LAMTOR3: variants seen among roughly 807,000 people sequenced by gnomAD.
The protein encoded by LAMTOR3 is late endosomal/lysosomal adaptor, MAPK and MTOR activator 3.
A neutral mutation model predicts 20.3 loss-of-function variants in LAMTOR3; 14 were observed. That is an observed-to-expected ratio of 0.69 (90% CI 0.46 to 1.08). The LOEUF (loss-of-function observed/expected upper bound fraction) is 1.08. Ranked by LOEUF, LAMTOR3 falls within the 50% of genes least tolerant of loss-of-function variation. The pLI, the probability that LAMTOR3 is intolerant of heterozygous loss-of-function variation, is 0.00. For synonymous variants in LAMTOR3, 40 were observed against 49.4 expected (o/e 0.81, Z 0.80); for missense variants, 125 against 143.7 (o/e 0.87, Z 0.67).
intron 3 of LAMTOR3, among the ~76,000 whole-genome samples, chr4:99,887,709 AAAT>A (rs1413268718): frequency 6.6e-6 from 1 of 152,256 alleles, no homozygotes; most frequent in African/African-American, 2.4e-5. Flanking sequence ...TCATTCATGC[AAAT>A]ATTAAGCGGC....
chr4:99,881,874 T>A lies in LAMTOR3; in HGVS notation c.*120A>T. 1.4e-6 allele frequency: 1 copy of A among 692,718 alleles called. No individual in the cohort carries two copies. Among genetic ancestry groups the A allele is most frequent in the Non-Finnish European group, 2.5e-6 (1 of 394,128 alleles). The allele number at this position is 692,718 out of a possible 1,614,324, so 42.9% of individuals were successfully genotyped here. A position where few individuals can be genotyped will look rare whatever the true frequency, so the allele number is the denominator to read the frequency against. The stretch of plus-strand genomic sequence containing the variant: ...CTATATGCTAGCTCTTTAGTATAAG[T>A]TGGAAAAAGGGGCCCTTTCTTGAGC... On this transcript the variant is annotated 3_prime_UTR_variant, in exon 7 of 7. Coordinates refer to ENST00000499666, the MANE Select transcript of LAMTOR3 (RefSeq NM_021970.4).
rs192790173 is a variant in LAMTOR3 at position 99,888,416 on chromosome 4, A to G, written c.45-1062T>C. Reference sequence around the variant, plus strand: ...CAGTGAGAATCCCTGGGAAATTAGCAATTAAGAAACATATGGTAGAGCACA... The same window carrying G: ...CAGTGAGAATCCCTGGGAAATTAGCGATTAAGAAACATATGGTAGAGCACA... On this transcript the variant is annotated intron_variant, in intron 3 of 6. Transcript: ENST00000499666. Among the ~76,000 whole-genome samples, 73 of 152,366 alleles carry G rather than the reference A, an allele frequency of 4.8e-4. No individual in the cohort carries two copies. In the East Asian group the frequency reaches 0.012, roughly 26 times the overall value.
At chr4:99,885,334 T>C (rs937846319) in intron 5 of LAMTOR3, among the ~76,000 whole-genome samples, 4 of 152,194 alleles carry the variant, frequency 2.6e-5, no homozygotes, top group Non-Finnish European at 5.9e-5. Context: ...TTAAATCACT[T>C]AATTACTTTT....
intron 3 of LAMTOR3, 133 bp downstream of exon 3, chr4:99,891,867 G>C: frequency 7.1e-7 from 1 of 1,402,350 alleles, no homozygotes; most frequent in East Asian, 3.0e-5. Context: ...GAGGACGTGA[G>C]GCTGGCAAAA....
intron 3 of LAMTOR3, among the ~76,000 whole-genome samples, chr4:99,891,488 G>A (rs547393448): frequency 6.6e-6 from 1 of 152,086 alleles, no homozygotes; most frequent in Non-Finnish European, 1.5e-5. Context: ...TCAGTAACCA[G>A]CCACATCATT....
rs993910452 is a variant in LAMTOR3 at position 99,881,662 on chromosome 4, C to G, written c.*332G>C. ...GTACAATTGGCAGCACTTAACGGCT[C>G]AAGTGGATCAATGTACCAGTTTGAT... On this transcript the variant is annotated 3_prime_UTR_variant, in exon 7 of 7. Transcript: ENST00000499666. 9.0e-6 allele frequency: 2 copies of G among 223,278 alleles called. No homozygotes were observed. The highest frequency in any genetic ancestry group is 1.1e-4 in the Admixed American group (2 of 18,456). The allele number at this position is 223,278 out of a possible 1,614,324, so 13.8% of individuals were successfully genotyped here. A position where few individuals can be genotyped will look rare whatever the true frequency, so the allele number is the denominator to read the frequency against.
intron 5 of LAMTOR3, 123 bp from the exon 6 acceptor site, chr4:99,884,248 T>C: frequency 1.4e-6 from 1 of 691,986 alleles, no homozygotes; most frequent in Non-Finnish European, 2.5e-6. Flanking sequence ...CATTATGGTA[T>C]TATATTATGA....
At chr4:99,890,142 C>A (rs973955430) in intron 3 of LAMTOR3, among the ~76,000 whole-genome samples, 1 of 152,126 alleles carries the variant, frequency 6.6e-6, no homozygotes. Flanking sequence ...GAAATCTAAA[C>A]CTTAAGCTTA....
intron 1 of LAMTOR3, 77 bp from the exon 2 acceptor site, chr4:99,894,077 C>G (rs1725075926): frequency 2.1e-6 from 2 of 936,306 alleles, no homozygotes; most frequent in East Asian, 2.9e-5. Context: ...TACGCGAGAT[C>G]AGCCCTGGTC....
In LAMTOR3 at chr4:99,880,589, C is replaced by G. The variant is rs1051591917; in HGVS notation, c.*1405G>C. 1 of 152,632 alleles carries G rather than the reference C, an allele frequency of 6.6e-6. No individual in the cohort carries two copies. The highest frequency in any genetic ancestry group is 1.5e-5 in the Non-Finnish European group (1 of 68,612). The allele number at this position is 152,632 out of a possible 1,614,324, so 9.5% of individuals were successfully genotyped here. ...CCAGACTGGGCAACACAGCAAGACT[C>G]TGTCTCTTAAAAAAAAAAAGAAAGA... On this transcript the variant is annotated 3_prime_UTR_variant, in exon 7 of 7. Coordinates refer to ENST00000499666, the MANE Select transcript of LAMTOR3 (RefSeq NM_021970.4).
chr4:99,892,773 G>C lies in LAMTOR3; in HGVS notation c.10-739C>G, dbSNP rs1578205234. ...GGCTCACTGCGACCTCTGCCTCCCA[G>C]GTTCAAACGATTCTCCTGCCTCAAC... On this transcript the variant is annotated intron_variant, in intron 2 of 6. Coordinates refer to ENST00000499666, the MANE Select transcript of LAMTOR3 (RefSeq NM_021970.4). Among the ~76,000 whole-genome samples, 4 of 150,366 alleles carry C rather than the reference G, an allele frequency of 2.7e-5. No individual in the cohort carries two copies. In the South Asian group the frequency reaches 6.3e-4, roughly 24 times the overall value.
chr4:99,892,379 T>C (rs1725037963), intron 2 of LAMTOR3, among the ~76,000 whole-genome samples: 1 of 152,216 alleles, frequency 6.6e-6, no homozygotes, highest in Non-Finnish European at 1.5e-5. Context: ...TTCATACTAG[T>C]GTTTTACATC....
chr4:99,892,680 AT>A (rs368209166), intron 2 of LAMTOR3, among the ~76,000 whole-genome samples: 143 of 143,392 alleles, frequency 1.0e-3, no homozygotes, highest in Admixed American at 1.5e-3. Context: ...GTGAGGCAAC[AT>A]TTTTTTTTTT....
At chr4:99,882,128 C>G (rs762206018) in intron 6 of LAMTOR3, 61 bp from the exon 7 acceptor site, 42 of 1,008,728 alleles carry the variant, frequency 4.2e-5, no homozygotes, top group Non-Finnish European at 5.9e-5. Context: ...GCCTGAAACT[C>G]AGATTTCCTT....
At chr4:99,888,326 A>G (rs1205071657) in intron 3 of LAMTOR3, among the ~76,000 whole-genome samples, 1 of 152,236 alleles carries the variant, frequency 6.6e-6, no homozygotes, top group Non-Finnish European at 1.5e-5. Flanking sequence ...CTTATTAACT[A>G]ATACCAGTGG....
intron 6 of LAMTOR3, 145 bp downstream of exon 6, chr4:99,883,917 G>C: frequency 1.7e-6 from 1 of 596,816 alleles, no homozygotes; most frequent in East Asian, 2.8e-5. Context: ...CTTTTCCCAA[G>C]ACATGGAAAA....
At chr4:99,892,927 G>GCCTTGGCCT (rs1560722669) in intron 2 of LAMTOR3, among the ~76,000 whole-genome samples, 5 of 152,076 alleles carry the variant, frequency 3.3e-5, no homozygotes, top group African/African-American at 1.2e-4. Flanking sequence ...TGATCCACCC[G>GCCTTGGCCT]CCTTGGCCTC....
chr4:99,886,929 T>C (rs62305051), intron 4 of LAMTOR3, among the ~76,000 whole-genome samples: 20 of 151,990 alleles, frequency 1.3e-4, no homozygotes, highest in Admixed American at 9.2e-4. Flanking sequence ...TGTATATATA[T>C]ACACACACAC....
rs572050345 is a variant in LAMTOR3 at position 99,880,543 on chromosome 4, AGATCATGCCAC to A, written c.*1440_*1450del. The stretch of plus-strand genomic sequence containing the variant: ...AGGAGGCAGAGGTTACAGTGAGGCA[AGATCATGCCAC>A]CACTGCACTCCAGACTGGGCAACAC... On this transcript the variant is annotated 3_prime_UTR_variant, in exon 7 of 7. Transcript: ENST00000499666. 17 of 152,304 alleles carry A rather than the reference AGATCATGCCAC, an allele frequency of 1.1e-4. No homozygotes were observed. In the East Asian group the frequency reaches 3.3e-3, roughly 29 times the overall value. The allele number at this position is 152,304 out of a possible 1,614,324, so 9.4% of individuals were successfully genotyped here. A position where few individuals can be genotyped will look rare whatever the true frequency, so the allele number is the denominator to read the frequency against.
Sources: allele counts gnomAD v4.1 joint callset (sites outside exome capture counted in the v4.1 genomes callset), GRCh38; gene constraint gnomAD v4.1.1; transcripts MANE v1.5; gene names NCBI Gene and HGNC (gene_info 2026-07-23, HGNC 2026-07-21).